The following KCTD16 variants were observed in gnomAD, a reference collection of about 807,000 sequenced individuals.
KCTD16 encodes the protein BTB/POZ domain-containing protein KCTD16.
A neutral mutation model predicts 33.2 loss-of-function variants in KCTD16; 13 were observed. That is an observed-to-expected ratio of 0.39 (90% confidence interval 0.25 to 0.62). KCTD16 has a LOEUF of 0.62. Among genes scored for constraint, KCTD16 ranks in the 20% least tolerant of loss-of-function variants. The pLI is 0.50. For synonymous variants in KCTD16, 197 were observed against 195.3 expected (o/e 1.01, Z -0.07); for missense variants, 441 against 525.1 (o/e 0.84, Z 1.57).
chr5:144,206,911 C>T lies in KCTD16; in HGVS notation c.197C>T (p.Ala66Val), dbSNP rs546520798. Residue 66 changes from alanine (A) to valine (V), a missense_variant, in exon 3 of 4, where the codon GCC becomes GTC. Around this residue, in one of 3 missense-constraint regions of KCTD16, gnomAD observed 80 missense variants for 88.5 expected, o/e 0.90. Transcript: ENST00000512467. ...AAGAGAGACACGGCTAATGATCTAG[C>T]CAAGGACTCCAAGGGAAGGTTTTTC... ...SPKRDTANDL[A>V]KDSKGRFFID... The T allele has an allele frequency of 3.1e-5, 50 of 1,614,080 alleles. No individual in the cohort carries two copies. In the East Asian group the frequency reaches 1.1e-3, roughly 35 times the overall value.
chr5:144,391,607 A>G (rs1752450267), intron 3 of KCTD16, among the ~76,000 whole-genome samples: 1 of 152,188 alleles, frequency 6.6e-6, no homozygotes, highest in African/African-American at 2.4e-5. Context: ...TTCCAGCACT[A>G]CAATATTGGG....
chr5:144,392,786 G>C (rs1442940164), intron 3 of KCTD16, among the ~76,000 whole-genome samples: 2 of 152,176 alleles, frequency 1.3e-5, no homozygotes, highest in African/African-American at 4.8e-5. Context: ...GTGATTTGCT[G>C]TGTTCCCTAG....
intron 3 of KCTD16, among the ~76,000 whole-genome samples, chr5:144,373,658 T>G (rs530269779): frequency 6.6e-6 from 1 of 152,314 alleles, no homozygotes; most frequent in African/African-American, 2.4e-5. Context: ...GGTCTGTTTA[T>G]AGATCTTTGT....
chr5:144,297,288 G>T (rs1756065551), intron 3 of KCTD16, among the ~76,000 whole-genome samples: 1 of 152,180 alleles, frequency 6.6e-6, no homozygotes, highest in African/African-American at 2.4e-5. Context: ...ACATCAGCAA[G>T]AATGTGTTTG....
chr5:144,206,422 C>T lies in KCTD16; in HGVS notation c.-293C>T. ...CTGAGTAACTGGGGAATTGGCCTGC[C>T]TTGCATGTGAGCTTGATGGAAGATT... On this transcript the variant is annotated 5_prime_UTR_variant, in exon 3 of 4. Transcript: ENST00000512467. 3.3e-6 allele frequency: 1 copy of T among 306,804 alleles called. No individual in the cohort carries two copies. Among genetic ancestry groups the T allele is most frequent in the Non-Finnish European group, 6.0e-6 (1 of 167,444 alleles). 19.0% of individuals were successfully genotyped at this position (306,804 alleles called of 1,614,324 possible).
At chr5:144,267,089 T>C (rs1268740150) in intron 3 of KCTD16, among the ~76,000 whole-genome samples, 2 of 152,092 alleles carry the variant, frequency 1.3e-5, no homozygotes. Flanking sequence ...AGCAGAAAAA[T>C]GTTGGATGAT....
At chr5:144,446,055 A>T (rs1197399055) in intron 3 of KCTD16, among the ~76,000 whole-genome samples, 1 of 151,788 alleles carries the variant, frequency 6.6e-6, no homozygotes, top group Non-Finnish European at 1.5e-5. Context: ...TGCCATTATC[A>T]TGTAGGTCTT....
chr5:144,349,130 A>G (rs1752882242), intron 3 of KCTD16, among the ~76,000 whole-genome samples: 1 of 152,210 alleles, frequency 6.6e-6, no homozygotes, highest in Admixed American at 6.5e-5. Flanking sequence ...CCTTAAGAAT[A>G]AAACAAAATG....
rs920998742 is a variant in KCTD16 at position 144,247,570 on chromosome 5, T to C, written c.832+40024T>C. 2.0e-5 allele frequency among the ~76,000 whole-genome samples: 3 copies of C among 152,334 alleles called. No individual in the cohort carries two copies. In the East Asian group the frequency reaches 5.8e-4, roughly 29 times the overall value. The stretch of plus-strand genomic sequence containing the variant: ...TGGCCCATAAAATCTGTGAATATGA[T>C]AAAATAGTTGTTTGAAGCTGGTTGT... On this transcript the variant is annotated intron_variant, in intron 3 of 3. Transcript: ENST00000512467.
chr5:144,267,368 A>G (rs181780952), intron 3 of KCTD16, among the ~76,000 whole-genome samples: 47 of 152,300 alleles, frequency 3.1e-4, no homozygotes, highest in Middle Eastern at 3.4e-3. Context: ...AATTCAGTCA[A>G]AAAAATGGAA....
chr5:144,274,539 A>T (rs1157770615), intron 3 of KCTD16, among the ~76,000 whole-genome samples: 1 of 152,174 alleles, frequency 6.6e-6, no homozygotes, highest in Non-Finnish European at 1.5e-5. Context: ...TGAAAAACAG[A>T]AATGTTTATT....
intron 3 of KCTD16, among the ~76,000 whole-genome samples, chr5:144,427,215 C>A (rs574636946): frequency 1.3e-5 from 2 of 152,046 alleles, no homozygotes; most frequent in East Asian, 1.9e-4. Context: ...TTGGAATAAA[C>A]TTCCAGCTTA....
intron 3 of KCTD16, among the ~76,000 whole-genome samples, chr5:144,417,212 A>C (rs575474778): frequency 6.6e-6 from 1 of 152,302 alleles, no homozygotes; most frequent in South Asian, 2.1e-4. Context: ...CAGGGGCTAA[A>C]TATTTCTATT....
intron 1 of KCTD16, among the ~76,000 whole-genome samples, chr5:144,172,991 G>A (rs1246563288): frequency 2.0e-5 from 3 of 152,146 alleles, no homozygotes; most frequent in Admixed American, 6.5e-5. Context: ...AGATGCTGGC[G>A]AGGTTTTAGA....
chr5:144,396,108 A>G (rs1752562468), intron 3 of KCTD16, among the ~76,000 whole-genome samples: 1 of 152,110 alleles, frequency 6.6e-6, no homozygotes, highest in Non-Finnish European at 1.5e-5. Context: ...GGGAGGGAGA[A>G]AATGGGAAAT....
chr5:144,233,416 T>C (rs1158938995), intron 3 of KCTD16, among the ~76,000 whole-genome samples: 2 of 152,114 alleles, frequency 1.3e-5, no homozygotes, highest in South Asian at 2.1e-4. Flanking sequence ...CATCTGATTT[T>C]TGTAAACAGT....
At chr5:144,301,778 A>G (rs1329419978) in intron 3 of KCTD16, among the ~76,000 whole-genome samples, 2 of 152,220 alleles carry the variant, frequency 1.3e-5, no homozygotes, top group Non-Finnish European at 2.9e-5. Context: ...CAGTTTGCCC[A>G]TCCAAAATCT....
intron 3 of KCTD16, among the ~76,000 whole-genome samples, chr5:144,353,989 A>G (rs1291128585): frequency 6.6e-6 from 1 of 152,182 alleles, no homozygotes; most frequent in East Asian, 1.9e-4. Context: ...TGAAGAGAGA[A>G]CAAAGAAACA....
intron 3 of KCTD16, among the ~76,000 whole-genome samples, chr5:144,453,910 G>C (rs1337102578): frequency 6.6e-6 from 1 of 152,108 alleles, no homozygotes; most frequent in Admixed American, 6.5e-5. Context: ...CTTCAGAAGT[G>C]AGGCCCCGTT....
Sources: allele counts gnomAD v4.1 joint callset (sites outside exome capture counted in the v4.1 genomes callset), GRCh38; gene constraint gnomAD v4.1.1; regional missense constraint gnomAD v4.1.1; transcripts MANE v1.5; gene names NCBI Gene and HGNC (gene_info 2026-07-23, HGNC 2026-07-21).